Variants in CEP112 observed in about 807,000 individuals in gnomAD.
CEP112 encodes centrosomal protein 112.
Under a neutral mutation model 153.0 loss-of-function variants are expected in CEP112, and 127 were observed. The observed-to-expected ratio is 0.83, with a 90% CI of 0.72 to 0.96. The LOEUF (loss-of-function observed/expected upper bound fraction) is 0.96. CEP112 is among the 40% of genes least tolerant of loss of function. The pLI, the probability that CEP112 is intolerant of heterozygous loss-of-function variation, is 0.00. For missense variants in CEP112, 1,089 were observed against 1,101.2 expected (o/e 0.99, Z 0.16); for synonymous variants, 358 against 374.4 (o/e 0.96, Z 0.51).
chr17:66,191,758 G>A lies in CEP112; in HGVS notation c.-9+239C>T, dbSNP rs1159818504. 1 of 152,690 alleles carries A rather than the reference G, an allele frequency of 6.5e-6. No individual in the cohort carries two copies. The allele number at this position is 152,690 out of a possible 1,614,324, so 9.5% of individuals were successfully genotyped here. ...AAACCGGCTGATCAAACTTTACTTA[G>A]AACTTTCCCAAGTCGTCCCGGCCTG... On this transcript the variant is annotated intron_variant, in intron 1 of 26. Transcript: ENST00000535342. The surrounding 1 kb of genome is among the most constrained non-coding windows in gnomAD (Gnocchi z 4.2).
intron 20 of CEP112, chr17:65,873,611 G>A (rs1443368490): frequency 6.6e-6 from 1 of 152,094 alleles, no homozygotes; most frequent in Non-Finnish European, 1.5e-5. Flanking sequence ...GCACACCTAA[G>A]TAAGTTCTAG....
Position 65,904,481 on chromosome 17 carries a change from T to C in CEP112, c.1981-2147A>G, listed in dbSNP as rs1271788667. Among the ~76,000 whole-genome samples, 6 of 152,254 alleles carry C rather than the reference T, an allele frequency of 3.9e-5. No individual in the cohort carries two copies. In the East Asian group the frequency reaches 9.6e-4, roughly 24 times the overall value. Reference sequence around the variant, plus strand: ...CACAAACAAATGGAAAAACATTCCATGCTCATGGATAAGAAGAATTAATAT... The same window carrying C: ...CACAAACAAATGGAAAAACATTCCACGCTCATGGATAAGAAGAATTAATAT... On this transcript the variant is annotated intron_variant, in intron 19 of 26. Transcript: ENST00000535342.
Position 65,964,399 on chromosome 17 carries a change from T to A in CEP112, c.1737-2801A>T, listed in dbSNP as rs549996691. Reference sequence around the variant, plus strand: ...TATAAAGAATTTTAAATTGTTCTGGTGCATTTTCACTCTTTCTATATTATT... The same window carrying A: ...TATAAAGAATTTTAAATTGTTCTGGAGCATTTTCACTCTTTCTATATTATT... On this transcript the variant is annotated intron_variant, in intron 17 of 26. Transcript: ENST00000535342. Among the ~76,000 whole-genome samples, 21 of 152,316 alleles carry A rather than the reference T, an allele frequency of 1.4e-4. No homozygotes were observed. In the East Asian group the frequency reaches 4.0e-3, roughly 29 times the overall value.
chr17:66,105,964 C>T (rs781226471), intron 6 of CEP112, among the ~76,000 whole-genome samples: 5 of 151,578 alleles, frequency 3.3e-5, no homozygotes, highest in African/African-American at 1.2e-4. Flanking sequence ...CCTCTGACCA[C>T]GAGGTAATAA....
intron 4 of CEP112, among the ~76,000 whole-genome samples, chr17:66,149,888 G>GTTTTTTTTTTT (rs71160535): frequency 1.3e-3 from 71 of 54,716 alleles, no homozygotes; most frequent in Admixed American, 2.1e-3. Flanking sequence ...TTGTTTGTTT[G>GTTTTTTTTTTT]TTTTTTTTTT....
chr17:65,946,801 T>G (rs964289441), intron 18 of CEP112, among the ~76,000 whole-genome samples: 3 of 152,182 alleles, frequency 2.0e-5, no homozygotes, highest in African/African-American at 7.2e-5. Flanking sequence ...TTTTATAACA[T>G]GGAGACTTCA....
rs766423369 is a variant in CEP112 at position 65,823,625 on chromosome 17, A to T, written c.2394+28179T>A. 5.9e-5 allele frequency among the ~76,000 whole-genome samples: 9 copies of T among 152,306 alleles called. No individual in the cohort carries two copies. In the East Asian group the frequency reaches 1.5e-3, roughly 26 times the overall value. The stretch of plus-strand genomic sequence containing the variant: ...AAGATTTTTTATACACAACACCAAA[A>T]ACATCATCTATAAAAGAGTAAACTG... On this transcript the variant is annotated intron_variant, in intron 21 of 26. Transcript: ENST00000535342.
chr17:65,649,226 T>C (rs191906534), intron 24 of CEP112, among the ~76,000 whole-genome samples: 1 of 152,286 alleles, frequency 6.6e-6, no homozygotes, highest in African/African-American at 2.4e-5. Context: ...GCAATCAGCT[T>C]AGGCACAGGC....
At chr17:66,141,497 A>C (rs1400655513) in intron 4 of CEP112, among the ~76,000 whole-genome samples, 1 of 152,212 alleles carries the variant, frequency 6.6e-6, no homozygotes, top group Admixed American at 6.5e-5. Flanking sequence ...AGTGTTGTGC[A>C]GCAGACTTCT....
chr17:66,064,552 C>G (rs2067044750), intron 10 of CEP112, among the ~76,000 whole-genome samples: 1 of 152,110 alleles, frequency 6.6e-6, no homozygotes, highest in Admixed American at 6.5e-5. Flanking sequence ...TTCGAGACAG[C>G]AAAATTTTTG....
chr17:65,764,172 T>C (rs999778545), intron 21 of CEP112, among the ~76,000 whole-genome samples: 3 of 152,084 alleles, frequency 2.0e-5, no homozygotes, highest in African/African-American at 4.8e-5. Flanking sequence ...TTCCCCCAGA[T>C]TGGTTAGGCT....
At chr17:66,117,940 C>A (rs1160923808) in intron 6 of CEP112, among the ~76,000 whole-genome samples, 1 of 151,940 alleles carries the variant, frequency 6.6e-6, no homozygotes, top group Non-Finnish European at 1.5e-5. Context: ...CAAAGAAATG[C>A]AAATCAAAAC....
chr17:65,919,541 G>A (rs907329153), intron 19 of CEP112, among the ~76,000 whole-genome samples: 10 of 152,140 alleles, frequency 6.6e-5, no homozygotes, highest in South Asian at 2.1e-4. Context: ...CTGATACAGG[G>A]AAATCCAGCC....
At chr17:66,026,581 A>T (rs9912085) in intron 16 of CEP112, among the ~76,000 whole-genome samples, 140,995 of 152,234 alleles carry the variant, frequency 0.93, 65,531 homozygotes, top group East Asian at 0.97. Flanking sequence ...AACATGTTAT[A>T]ATGAGAGGTT....
Position 66,129,729 on chromosome 17 carries a change from C to A in CEP112, c.642+17G>T. 6.4e-7 allele frequency: 1 copy of A among 1,563,810 alleles called. No homozygotes were observed. Among genetic ancestry groups the A allele is most frequent in the Non-Finnish European group, 8.8e-7 (1 of 1,137,706 alleles). ...TTGACACATCTATATATACATAAAG[C>A]AAATACTTTTTTTTACCCCAAGATT... On this transcript the variant is annotated intron_variant, in intron 6 of 26. Coordinates refer to ENST00000535342, the MANE Select transcript of CEP112 (RefSeq NM_001199165.4).
intron 23 of CEP112, among the ~76,000 whole-genome samples, chr17:65,710,230 T>C (rs2049106066): frequency 6.6e-6 from 1 of 152,232 alleles, no homozygotes; most frequent in African/African-American, 2.4e-5. Context: ...GGACACGGGC[T>C]ACTGAAATTC....
chr17:65,792,875 T>C (rs1446120379), intron 21 of CEP112, among the ~76,000 whole-genome samples: 1 of 152,242 alleles, frequency 6.6e-6, no homozygotes, highest in Admixed American at 6.5e-5. Flanking sequence ...AAATTGCCTA[T>C]ACCAAAGATT....
intron 8 of CEP112, among the ~76,000 whole-genome samples, chr17:66,083,877 A>C (rs535519041): frequency 6.6e-6 from 1 of 152,308 alleles, no homozygotes; most frequent in East Asian, 1.9e-4. Flanking sequence ...AACAACAAAA[A>C]AAGAACTAAC....
chr17:65,692,830 G>A (rs927373361), intron 23 of CEP112, among the ~76,000 whole-genome samples: 4 of 152,030 alleles, frequency 2.6e-5, no homozygotes, highest in African/African-American at 9.7e-5. Context: ...CTCAATGCCT[G>A]GTACACAGGT....
Sources: gnomAD v4.1 joint callset for allele counts (sites outside exome capture counted in the v4.1 genomes callset) on GRCh38, gnomAD v4.1.1 for gene constraint, Gnocchi (gnomAD v3.1) non-coding constraint, MANE v1.5 for transcripts, NCBI Gene and HGNC (gene_info 2026-07-23, HGNC 2026-07-21) for gene names.